The following RBM5 variants were observed in gnomAD, a reference collection of about 807,000 sequenced individuals.
RBM5 encodes RNA-binding protein 5.
In RBM5, 15 loss-of-function variants were observed where a neutral mutation model predicts 124.6. That is an observed-to-expected ratio of 0.12 (90% CI 0.08 to 0.19). The LOEUF is 0.19. Among genes scored for constraint, RBM5 ranks in the 10% least tolerant of loss-of-function variants. The probability of loss-of-function intolerance (pLI) is 1.00; values close to 1 mark genes in which losing one functional copy is unlikely to be tolerated. For synonymous variants in RBM5, 337 were observed against 361.2 expected (o/e 0.93, Z 0.76); for missense variants, 580 against 1,026.5 (o/e 0.57, Z 5.94).
intron 24 of RBM5, chr3:50,118,113 T>G (rs1575344090): frequency 1.0e-5 from 6 of 583,382 alleles, no homozygotes; most frequent in South Asian, 4.8e-5. Flanking sequence ...CATTGAGGGG[T>G]GGGTGATTTG....
chr3:50,089,429 T>A (rs1250273327), intron 1 of RBM5, among the ~76,000 whole-genome samples: 1 of 152,124 alleles, frequency 6.6e-6, no homozygotes, highest in Non-Finnish European at 1.5e-5. Context: ...ATCGCCCATC[T>A]GCGGGTTTGG....
Position 50,105,039 on chromosome 3 carries a change from T to A in RBM5, c.629-38T>A. On this transcript the variant is annotated intron_variant, in intron 8 of 24. Coordinates refer to ENST00000347869, the MANE Select transcript of RBM5 (RefSeq NM_005778.4). The stretch of plus-strand genomic sequence containing the variant: ...ATGTATTTCTTTGGTGAAAATACAT[T>A]AGTTGTTTGTCTCTAATTGGATCAC... 3.6e-6 allele frequency: 5 copies of A among 1,386,390 alleles called. 1 individual carries two copies. The highest frequency in any genetic ancestry group is 5.1e-6 in the Non-Finnish European group (5 of 981,076). The allele number at this position is 1,386,390 out of a possible 1,614,324, so 85.9% of individuals were successfully genotyped here.
intron 2 of RBM5, 93 bp from the exon 3 acceptor site, chr3:50,091,949 TA>T: frequency 7.4e-7 from 1 of 1,354,068 alleles, no homozygotes; most frequent in Non-Finnish European, 1.1e-6. Context: ...GATTATCTTA[TA>T]AACTGATCTG....
Position 50,105,610 on chromosome 3 carries a change from T to A in RBM5, c.756T>A (p.Ser252=). ...TGGATTCCATCATGACAGCACTGTC[T>A]CCTTACGCGTCTTTAGCTGTCAATA... ...TVVDSIMTAL[S]PYASLAVNNI... The change falls in exon 10 of 25, where the codon TCT becomes TCA. Residue 252 remains serine, a synonymous_variant. Transcript: ENST00000347869. The A allele has an allele frequency of 1.2e-6, 2 of 1,614,188 alleles. No individual in the cohort carries two copies. The highest frequency in any genetic ancestry group is 1.7e-6 in the Non-Finnish European group (2 of 1,180,006).
At chr3:50,109,391 C>T (rs1428370305) in intron 14 of RBM5, among the ~76,000 whole-genome samples, 1 of 152,062 alleles carries the variant, frequency 6.6e-6, no homozygotes, top group African/African-American at 2.4e-5. Flanking sequence ...TTTTCTTAGC[C>T]ATGATACAGA....
At chr3:50,109,543 A>C in intron 14 of RBM5, 60 bp from the exon 15 acceptor site, 1 of 1,367,854 alleles carries the variant, frequency 7.3e-7, no homozygotes, top group South Asian at 1.2e-5. Context: ...ATTACAAATA[A>C]AGATGTTTGG....
chr3:50,117,828 AT>A lies in RBM5; in HGVS notation c.2322+451del, dbSNP rs1407527794. 1 of 171,520 alleles carries A rather than the reference AT, an allele frequency of 5.8e-6. No individual in the cohort carries two copies. Among genetic ancestry groups the A allele is most frequent in the African/African-American group, 2.4e-5 (1 of 41,798 alleles). The allele number at this position is 171,520 out of a possible 1,614,324, so 10.6% of individuals were successfully genotyped here. A position where few individuals can be genotyped will look rare whatever the true frequency, so the allele number is the denominator to read the frequency against. ...TTCACCCATGATAAGAAATCTTTAA[AT>A]TGATCAGAGCCCACATTGAGGCATC... On this transcript the variant is annotated intron_variant, in intron 24 of 24. Transcript: ENST00000347869. The surrounding 1 kb of genome is among the most constrained non-coding windows in gnomAD (Gnocchi z 4.2).
chr3:50,111,787 T>C (rs1394769824), intron 17 of RBM5, among the ~76,000 whole-genome samples: 1 of 152,182 alleles, frequency 6.6e-6, no homozygotes, highest in Non-Finnish European at 1.5e-5. Flanking sequence ...AGCAGATGTA[T>C]GGAGTGATGT....
intron 7 of RBM5, among the ~76,000 whole-genome samples, chr3:50,103,417 C>T (rs551397785): frequency 1.9e-4 from 29 of 152,210 alleles, no homozygotes; most frequent in Non-Finnish European, 3.8e-4. Flanking sequence ...GAGGCCAAGG[C>T]GGGTAGATAG....
chr3:50,106,118 ATTTTTTTTTTTTTTTTTT>A (rs61297967), intron 10 of RBM5, among the ~76,000 whole-genome samples: 6 of 32,704 alleles, frequency 1.8e-4, no homozygotes, highest in African/African-American at 1.9e-4. Context: ...ACGCCCAGCT[ATTTTTTTTTTTTTTTTTT>A]TTTTTTTTTT....
In RBM5 at chr3:50,118,551, G is replaced by A; in HGVS notation, c.*95G>A. The A allele has an allele frequency of 2.7e-6, 4 of 1,485,784 alleles. No individual in the cohort carries two copies. Among genetic ancestry groups the A allele is most frequent in the Non-Finnish European group, 3.6e-6 (4 of 1,099,298 alleles). The allele number at this position is 1,485,784 out of a possible 1,614,324, so 92.0% of individuals were successfully genotyped here. On this transcript the variant is annotated 3_prime_UTR_variant, in exon 25 of 25. Coordinates refer to ENST00000347869, the MANE Select transcript of RBM5 (RefSeq NM_005778.4). ...CTGTCTCTTTAAGGGCATGCCTTGT[G>A]CTGTTAATAGATCTTAGGGTGAACC...
chr3:50,104,004 G>T (rs2090989314), intron 7 of RBM5, among the ~76,000 whole-genome samples: 1 of 152,158 alleles, frequency 6.6e-6, no homozygotes, highest in South Asian at 2.1e-4. Context: ...CAAATTAACT[G>T]AACCCTTTCC....
intron 14 of RBM5, among the ~76,000 whole-genome samples, chr3:50,109,058 C>A (rs988492132): frequency 4.6e-5 from 7 of 152,054 alleles, no homozygotes; most frequent in African/African-American, 1.7e-4. Context: ...AATATAGATC[C>A]TTTCTTCTCT....
chr3:50,114,287 CTG>C, intron 20 of RBM5, 36 bp downstream of exon 20: 2 of 1,571,542 alleles, frequency 1.3e-6, no homozygotes, highest in Non-Finnish European at 1.7e-6. Flanking sequence ...AAGACCCTAT[CTG>C]TGGTTTGTGT....
At position 50,090,370 on chromosome 3, in the gene RBM5, C is replaced by A; in HGVS notation, c.-53-12C>A. On this transcript the variant is annotated splice_polypyrimidine_tract_variant and intron_variant, in intron 1 of 24. Transcript: ENST00000347869. The stretch of plus-strand genomic sequence containing the variant: ...CTGAGATTTATAGCAATTAATCTCT[C>A]TTGTCTCCTAGAAAAAATAAAATTT... 3 of 1,582,514 alleles carry A rather than the reference C, an allele frequency of 1.9e-6. No individual in the cohort carries two copies. Among genetic ancestry groups the A allele is most frequent in the Non-Finnish European group, 2.6e-6 (3 of 1,152,922 alleles).
At chr3:50,095,438 CAGAAA>C (rs2090793175) in intron 4 of RBM5, among the ~76,000 whole-genome samples, 1 of 152,076 alleles carries the variant, frequency 6.6e-6, no homozygotes. Context: ...TTTGAAACCT[CAGAAA>C]AGCTTGTTAA....
intron 8 of RBM5, 189 bp downstream of exon 8, chr3:50,104,497 T>C (rs967314954): frequency 5.2e-6 from 3 of 572,898 alleles, no homozygotes. Context: ...TTTTAAATTA[T>C]CTGGGTGTGG....
Position 50,117,823 on chromosome 3 carries a change from T to G in RBM5, c.2322+444T>G, listed in dbSNP as rs550538438. Reference sequence around the variant, plus strand: ...GGGTTTTCACCCATGATAAGAAATCTTTAAATTGATCAGAGCCCACATTGA... The same window carrying G: ...GGGTTTTCACCCATGATAAGAAATCGTTAAATTGATCAGAGCCCACATTGA... On this transcript the variant is annotated intron_variant, in intron 24 of 24. Transcript: ENST00000347869. The surrounding 1 kb of genome is among the most constrained non-coding windows in gnomAD (Gnocchi z 4.2). 1 of 170,524 alleles carries G rather than the reference T, an allele frequency of 5.9e-6. No homozygotes were observed. The highest frequency in any genetic ancestry group is 1.6e-4 in the East Asian group (1 of 6,284). 10.6% of individuals were successfully genotyped at this position (170,524 alleles called of 1,614,324 possible).
chr3:50,092,274 C>T, intron 3 of RBM5, 66 bp downstream of exon 3: 1 of 1,519,000 alleles, frequency 6.6e-7, no homozygotes. Flanking sequence ...GAAATAACAG[C>T]CAGGCAGCCA....
Sources: gnomAD v4.1 joint callset for allele counts (sites outside exome capture counted in the v4.1 genomes callset) on GRCh38, gnomAD v4.1.1 for gene constraint, Gnocchi (gnomAD v3.1) non-coding constraint, MANE v1.5 for transcripts, NCBI Gene and HGNC (gene_info 2026-07-23, HGNC 2026-07-21) for gene names.